CNKSR2: variants seen among roughly 807,000 people sequenced by gnomAD.
CNKSR2 encodes the protein connector enhancer of kinase suppressor of Ras 2.
CNKSR2 carries 14 observed loss-of-function variants against 84.4 expected under a neutral mutation model. The observed-to-expected ratio is 0.17, with a 90% CI of 0.11 to 0.26. CNKSR2 has a LOEUF of 0.26. Among genes scored for constraint, CNKSR2 ranks in the 10% least tolerant of loss-of-function variants. CNKSR2 has a pLI of 1.00. For missense variants in CNKSR2, 485 were observed against 771.2 expected (o/e 0.63, Z 4.40); for synonymous variants, 275 against 277.9 (o/e 0.99, Z 0.10).
chrX:21,587,790 G>A (rs2092397534), intron 13 of CNKSR2, among the ~76,000 whole-genome samples: 1 of 111,640 alleles, frequency 9.0e-6, no homozygotes, highest in Non-Finnish European at 1.9e-5. Flanking sequence ...AAGTTTGTAA[G>A]GGATCTTTTT....
intron 1 of CNKSR2, among the ~76,000 whole-genome samples, chrX:21,405,592 T>C (rs2090252784): frequency 9.0e-6 from 1 of 111,569 alleles, no homozygotes; most frequent in Non-Finnish European, 1.9e-5. Flanking sequence ...TCTAAGTAAA[T>C]AATATTATGC....
At chrX:21,569,727 T>C (rs999770942) in intron 13 of CNKSR2, among the ~76,000 whole-genome samples, 2 of 112,345 alleles carry the variant, frequency 1.8e-5, no homozygotes, top group African/African-American at 6.5e-5. Flanking sequence ...CAAAATGTAT[T>C]TCTTAAATAA....
chrX:21,632,774 A>G (rs2092653502), intron 20 of CNKSR2, among the ~76,000 whole-genome samples: 1 of 111,572 alleles, frequency 9.0e-6, no homozygotes, highest in African/African-American at 3.3e-5. Context: ...TCAGTATGAG[A>G]AGTTATTCTA....
intron 13 of CNKSR2, among the ~76,000 whole-genome samples, chrX:21,566,208 T>A (rs750512002): frequency 8.0e-5 from 9 of 112,126 alleles, no homozygotes; most frequent in Admixed American, 7.6e-4. Flanking sequence ...TTTGTTAAGT[T>A]AGGGGAAACA....
chrX:21,591,003 G>A lies in CNKSR2; in HGVS notation c.1658-19G>A, dbSNP rs909850184. On this transcript the variant is annotated intron_variant, in intron 14 of 21. Coordinates refer to ENST00000379510, the MANE Select transcript of CNKSR2 (RefSeq NM_014927.5). ...TTTCATACCTTTGACAAAATTGAAA[G>A]AGCATTTCCACCCTTTAGGTCCTAT... 1.7e-6 allele frequency: 2 copies of A among 1,173,257 alleles called. No homozygotes were observed. The highest frequency in any genetic ancestry group is 2.3e-6 in the Non-Finnish European group (2 of 875,393).
At chrX:21,583,903 A>G (rs1398425386) in intron 13 of CNKSR2, among the ~76,000 whole-genome samples, 2 of 111,981 alleles carry the variant, frequency 1.8e-5, no homozygotes, top group African/African-American at 6.5e-5. Context: ...CAAATGTCTG[A>G]AAAAGGGATC....
chrX:21,438,075 T>C (rs1314313178), intron 3 of CNKSR2, among the ~76,000 whole-genome samples: 1 of 112,145 alleles, frequency 8.9e-6, no homozygotes, highest in African/African-American at 3.2e-5. Flanking sequence ...TAATACACTG[T>C]GGTGTAGTCA....
chrX:21,597,786 T>G (rs181410391), intron 17 of CNKSR2, among the ~76,000 whole-genome samples: 15 of 109,346 alleles, frequency 1.4e-4, no homozygotes, highest in African/African-American at 4.6e-4. Context: ...CTTCAAGAGA[T>G]TATATATTTA....
chrX:21,473,943 G>T (rs1219231135), intron 5 of CNKSR2, among the ~76,000 whole-genome samples: 4 of 107,540 alleles, frequency 3.7e-5, no homozygotes, highest in African/African-American at 1.4e-4. Flanking sequence ...TAGAGACGGG[G>T]TTTCACCGTG....
chrX:21,637,058 C>T (rs1245774732), intron 20 of CNKSR2, among the ~76,000 whole-genome samples: 3 of 111,394 alleles, frequency 2.7e-5, no homozygotes, highest in Admixed American at 9.6e-5. Flanking sequence ...TCAGTTGTTT[C>T]GTAAAAACTT....
At position 21,590,699 on chromosome X, in the gene CNKSR2, T is replaced by C. The variant is rs953803214; in HGVS notation, c.1657+79T>C. On this transcript the variant is annotated intron_variant, in intron 14 of 21. Transcript: ENST00000379510. Reference sequence around the variant, plus strand: ...CAACACACTTCATCCATGCCCTCTTTCTTGCCTGAGCCCAGTGTGGTTTAG... The same window carrying C: ...CAACACACTTCATCCATGCCCTCTTCCTTGCCTGAGCCCAGTGTGGTTTAG... 6 of 1,031,031 alleles carry C rather than the reference T, an allele frequency of 5.8e-6. No homozygotes were observed. The African/African-American group carries it at 1.1e-4, about 19-fold the overall frequency. The allele number at this position is 1,031,031 out of a possible 1,213,427, so 85.0% of individuals were successfully genotyped here.
At chrX:21,507,699 T>G (rs781493268) in intron 8 of CNKSR2, among the ~76,000 whole-genome samples, 1 of 111,744 alleles carries the variant, frequency 8.9e-6, no homozygotes, top group Non-Finnish European at 1.9e-5. Context: ...TATAGCAAAG[T>G]TGTACATTTT....
intron 20 of CNKSR2, among the ~76,000 whole-genome samples, chrX:21,636,589 T>A (rs1602062205): frequency 9.0e-6 from 1 of 111,509 alleles, no homozygotes; most frequent in East Asian, 2.8e-4. Context: ...AATGTGATTC[T>A]TCTATTAATA....
Position 21,632,980 on chromosome X carries a change from TTATATAA to T in CNKSR2, c.2693-15846_2693-15840del, listed in dbSNP as rs948577497. On this transcript the variant is annotated intron_variant, in intron 20 of 21. Transcript: ENST00000379510. ...TATAGGTGTTCATGTGTATACACAC[TTATATAA>T]TATACACACACACACACACACACAC... 7.2e-5 allele frequency among the ~76,000 whole-genome samples: 7 copies of T among 97,899 alleles called. No homozygotes were observed. In the South Asian group the frequency reaches 1.4e-3, roughly 19 times the overall value. The allele number at this position is 97,899 out of a possible 115,157, so 85.0% of individuals were successfully genotyped here.
chrX:21,522,229 T>C (rs1203093624), intron 9 of CNKSR2, among the ~76,000 whole-genome samples: 1 of 110,969 alleles, frequency 9.0e-6, no homozygotes, highest in African/African-American at 3.3e-5. Context: ...GGTATTGTGA[T>C]CCATTTGAGT....
chrX:21,507,522 T>A (rs2091625373), intron 8 of CNKSR2, among the ~76,000 whole-genome samples: 1 of 111,504 alleles, frequency 9.0e-6, no homozygotes, highest in African/African-American at 3.3e-5. Flanking sequence ...TTACTAAAAA[T>A]TCTATTAATA....
chrX:21,397,469 A>G (rs954056627), intron 1 of CNKSR2, among the ~76,000 whole-genome samples: 3 of 111,333 alleles, frequency 2.7e-5, no homozygotes, highest in East Asian at 5.6e-4. Flanking sequence ...GTAGCTGTCT[A>G]TGATACACCA....
intron 11 of CNKSR2, among the ~76,000 whole-genome samples, chrX:21,534,649 T>C (rs2091912226): frequency 9.0e-6 from 1 of 111,399 alleles, no homozygotes; most frequent in African/African-American, 3.2e-5. Context: ...TGAGATGATA[T>C]CTCTTTGTGG....
At chrX:21,606,289 T>A (rs2092516203) in intron 18 of CNKSR2, among the ~76,000 whole-genome samples, 2 of 112,232 alleles carry the variant, frequency 1.8e-5, no homozygotes, top group Admixed American at 9.5e-5. Context: ...GATTGTTAGA[T>A]AATCAGTGAA....
Sources: gnomAD v4.1 joint callset for allele counts (sites outside exome capture counted in the v4.1 genomes callset) on GRCh38, gnomAD v4.1.1 for gene constraint, MANE v1.5 for transcripts, NCBI Gene and HGNC (gene_info 2026-07-23, HGNC 2026-07-21) for gene names.